The following ATRNL1 variants were observed in gnomAD, a reference collection of about 807,000 sequenced individuals.
The protein encoded by ATRNL1 is attractin-like protein 1.
In ATRNL1, 95 loss-of-function variants were observed where a neutral mutation model predicts 182.7. The ratio of observed to expected loss-of-function variants is 0.52; its 90% CI spans 0.44 to 0.62. ATRNL1 has a LOEUF of 0.62. Among genes scored for constraint, ATRNL1 ranks in the 20% least tolerant of loss-of-function variants. The pLI is 0.00. For missense variants in ATRNL1, 1,471 were observed against 1,679.5 expected (o/e 0.88, Z 2.17); for synonymous variants, 576 against 568.3 (o/e 1.01, Z -0.19).
At chr10:115,806,382 A>G (rs1949920531) in intron 27 of ATRNL1, among the ~76,000 whole-genome samples, 3 of 152,134 alleles carry the variant, frequency 2.0e-5, no homozygotes. Flanking sequence ...ATTAATTACT[A>G]TAGGATGTGA....
chr10:115,458,650 G>A (rs1847645414), intron 21 of ATRNL1, among the ~76,000 whole-genome samples: 1 of 152,126 alleles, frequency 6.6e-6, no homozygotes, highest in Non-Finnish European at 1.5e-5. Flanking sequence ...ACAGAAAAAT[G>A]TCTGTAGGTC....
At chr10:115,324,091 A>G (rs1360013091) in intron 18 of ATRNL1, among the ~76,000 whole-genome samples, 5 of 151,732 alleles carry the variant, frequency 3.3e-5, no homozygotes, top group African/African-American at 1.2e-4. Flanking sequence ...TTTATCTTTT[A>G]TGTGTATTCT....
intron 17 of ATRNL1, among the ~76,000 whole-genome samples, chr10:115,306,294 A>G (rs1853726149): frequency 6.6e-6 from 1 of 152,214 alleles, no homozygotes; most frequent in Non-Finnish European, 1.5e-5. Flanking sequence ...GAATGATAAA[A>G]TGGCTAAATG....
chr10:115,678,933 T>C (rs1233811055), intron 26 of ATRNL1, among the ~76,000 whole-genome samples: 1 of 152,046 alleles, frequency 6.6e-6, no homozygotes, highest in Non-Finnish European at 1.5e-5. Flanking sequence ...CCAAACCCAA[T>C]AGACAATGGT....
intron 21 of ATRNL1, among the ~76,000 whole-genome samples, chr10:115,432,328 A>G (rs1407811894): frequency 6.6e-6 from 1 of 151,954 alleles, no homozygotes; most frequent in African/African-American, 2.4e-5. Context: ...TTATTGGACA[A>G]CTCTTCTCTA....
intron 16 of ATRNL1, 84 bp downstream of exon 16, chr10:115,300,331 A>G (rs1183501186): frequency 2.9e-6 from 3 of 1,029,554 alleles, no homozygotes; most frequent in African/African-American, 1.6e-5. Flanking sequence ...GTGTAGTCTT[A>G]TTCTATGATA....
chr10:115,501,017 C>T (rs950750657), intron 24 of ATRNL1, among the ~76,000 whole-genome samples: 1 of 148,900 alleles, frequency 6.7e-6, no homozygotes, highest in Non-Finnish European at 1.5e-5. Flanking sequence ...CAACCTCTGC[C>T]TCCTGGATTC....
intron 9 of ATRNL1, among the ~76,000 whole-genome samples, chr10:115,228,341 T>TGCTCAAAAATGATTCCAAAAACA (rs1849781361): frequency 6.6e-6 from 1 of 152,150 alleles, no homozygotes; most frequent in Non-Finnish European, 1.5e-5. Context: ...ATGATTCCTT[T>TGCTCAAAAATGATTCCAAAAACA]TATGTTTTTG....
At chr10:115,285,784 T>C (rs1554918604) in intron 14 of ATRNL1, among the ~76,000 whole-genome samples, 1 of 152,048 alleles carries the variant, frequency 6.6e-6, no homozygotes, top group Non-Finnish European at 1.5e-5. Context: ...AGAAATTAGA[T>C]TTAGAGGTCA....
chr10:115,386,204 T>C (rs782066751), intron 19 of ATRNL1, among the ~76,000 whole-genome samples: 4 of 152,220 alleles, frequency 2.6e-5, no homozygotes, highest in Non-Finnish European at 5.9e-5. Flanking sequence ...TATCTATTTA[T>C]TTAGATATTT....
In ATRNL1 at chr10:115,286,300, A is replaced by G; in HGVS notation, c.2318A>G (p.Lys773Arg). The change falls in exon 15 of 29, where the codon AAA becomes AGA. Residue 773 changes from lysine to arginine, a missense_variant. Coordinates refer to ENST00000355044, the MANE Select transcript of ATRNL1 (RefSeq NM_207303.4). ...NSSRENYDNA[K>R]LYCYNLSGNL... ...AGTAGAGAAAACTATGACAATGCAA[A>G]ACTTTATTGCTATAATCTTAGTGGA... 1 of 1,602,584 alleles carries G rather than the reference A, an allele frequency of 6.2e-7. No homozygotes were observed. Among genetic ancestry groups the G allele is most frequent in the Non-Finnish European group, 8.5e-7 (1 of 1,170,230 alleles).
intron 4 of ATRNL1, among the ~76,000 whole-genome samples, chr10:115,129,091 G>C (rs1845109186): frequency 6.6e-6 from 1 of 152,068 alleles, no homozygotes; most frequent in East Asian, 1.9e-4. Flanking sequence ...TTAGACATTT[G>C]GAGTCTTGGT....
intron 21 of ATRNL1, among the ~76,000 whole-genome samples, chr10:115,433,427 A>G (rs905779816): frequency 1.6e-4 from 24 of 152,152 alleles, no homozygotes; most frequent in African/African-American, 5.8e-4. Flanking sequence ...ATAAATTGCT[A>G]TTTAAGTAGG....
chr10:115,248,142 G>A (rs1396106064), intron 10 of ATRNL1, among the ~76,000 whole-genome samples: 2 of 152,134 alleles, frequency 1.3e-5, no homozygotes, highest in African/African-American at 4.8e-5. Flanking sequence ...TAACTATTAT[G>A]TGTAGTTTCA....
chr10:115,635,017 G>T (rs1283383418), intron 26 of ATRNL1, among the ~76,000 whole-genome samples: 2 of 151,980 alleles, frequency 1.3e-5, no homozygotes, highest in African/African-American at 2.4e-5. Flanking sequence ...TTCTCTAAAA[G>T]ATGTTATAAA....
chr10:115,618,256 C>G (rs1857543497), intron 26 of ATRNL1, among the ~76,000 whole-genome samples: 1 of 151,964 alleles, frequency 6.6e-6, no homozygotes, highest in African/African-American at 2.4e-5. Context: ...CTGTTTTTCT[C>G]TTTGACTTTT....
At chr10:115,911,280 A>G (rs971526058) in intron 28 of ATRNL1, among the ~76,000 whole-genome samples, 3 of 151,946 alleles carry the variant, frequency 2.0e-5, no homozygotes, top group Non-Finnish European at 4.4e-5. Flanking sequence ...GATTACAGAC[A>G]TGAGCCACCA....
chr10:115,248,024 TG>T (rs1850718905), intron 10 of ATRNL1, among the ~76,000 whole-genome samples: 2 of 151,556 alleles, frequency 1.3e-5, no homozygotes, highest in East Asian at 3.9e-4. Context: ...CTGAGGAGGG[TG>T]GGGGAAGTGG....
chr10:115,862,543 T>C (rs1485978612), intron 28 of ATRNL1, among the ~76,000 whole-genome samples: 1 of 152,246 alleles, frequency 6.6e-6, no homozygotes, highest in African/African-American at 2.4e-5. Flanking sequence ...ACTGAAATAC[T>C]ATTTCTTACC....
Sources: gnomAD v4.1 joint callset for allele counts (sites outside exome capture counted in the v4.1 genomes callset) on GRCh38, gnomAD v4.1.1 for gene constraint, MANE v1.5 for transcripts, NCBI Gene and HGNC (gene_info 2026-07-23, HGNC 2026-07-21) for gene names.